The following ALG9 variants were observed in gnomAD, a reference collection of about 807,000 sequenced individuals.
ALG9 encodes ALG9 alpha-1,2-mannosyltransferase, also known as alpha-1,2-mannosyltransferase ALG9.
Under a neutral mutation model 81.8 loss-of-function variants are expected in ALG9, and 55 were observed. That is an observed-to-expected ratio of 0.67 (90% CI 0.54 to 0.84). The LOEUF is 0.84. Ranked by LOEUF, ALG9 falls within the 40% of genes least tolerant of loss-of-function variation. The pLI, the probability that ALG9 is intolerant of heterozygous loss-of-function variation, is 0.00. For synonymous variants in ALG9, 278 were observed against 274.3 expected, an observed-to-expected ratio of 1.01 and a Z score of -0.13; for missense variants, 629 against 745.0, an observed-to-expected ratio of 0.84 and a Z score of 1.81.
At chr11:111,826,775 A>G (rs908791156) in intron 13 of ALG9, among the ~76,000 whole-genome samples, 3 of 152,212 alleles carry the variant, frequency 2.0e-5, no homozygotes, top group African/African-American at 4.8e-5. Flanking sequence ...ATAGTCTCAC[A>G]TGATTCCTTT....
chr11:111,775,700 C>T, the ALG9 span, among the ~76,000 whole-genome samples: 4 of 152,046 alleles, frequency 2.6e-5, no homozygotes, highest in Admixed American at 2.6e-4. Context: ...CATAGTGAGA[C>T]CCCATCTCTA....
intron 14 of ALG9, among the ~76,000 whole-genome samples, chr11:111,807,428 A>G (rs1005358673): frequency 2.0e-5 from 3 of 152,126 alleles, no homozygotes; most frequent in African/African-American, 7.2e-5. Context: ...TTTGAATATC[A>G]TCTTTTCATT....
chr11:111,864,693 A>G (rs1213223667), intron 4 of ALG9, among the ~76,000 whole-genome samples: 1 of 152,198 alleles, frequency 6.6e-6, no homozygotes, highest in Non-Finnish European at 1.5e-5. Context: ...AAAACTCAGT[A>G]TGAAAAAAAA....
At position 111,856,611 on chromosome 11, in the gene ALG9, C is replaced by T. The variant is rs984346296; in HGVS notation, c.701+991G>A. Among the ~76,000 whole-genome samples, 3 of 148,766 alleles carry T rather than the reference C, an allele frequency of 2.0e-5. No individual in the cohort carries two copies. In the East Asian group the frequency reaches 5.8e-4, roughly 29 times the overall value. ...AATTAGGAATTGTTTTTACCTTATACAATCTGGTACTTACTTTTTTTTTTT... is the reference window on the plus strand; with the variant it reads ...AATTAGGAATTGTTTTTACCTTATATAATCTGGTACTTACTTTTTTTTTTT... On this transcript the variant is annotated intron_variant, in intron 6 of 14. Transcript: ENST00000616540.
intron 13 of ALG9, among the ~76,000 whole-genome samples, chr11:111,811,419 T>G (rs1950690648): frequency 6.6e-6 from 1 of 151,934 alleles, no homozygotes; most frequent in Non-Finnish European, 1.5e-5. Flanking sequence ...GGTACAGGCC[T>G]GTAATCCCAG....
rs1591762060 is a variant in ALG9 at position 111,785,711 on chromosome 11, T to C, written c.*686A>G. 1 of 229,838 alleles carries C rather than the reference T, an allele frequency of 4.4e-6. No individual in the cohort carries two copies. Among genetic ancestry groups the C allele is most frequent in the African/African-American group, 2.3e-5 (1 of 43,404 alleles). The allele number at this position is 229,838 out of a possible 1,614,324, so 14.2% of individuals were successfully genotyped here. ...ACAAAAAAGCAATACAACCTTATAG[T>C]TACAGTTGGTTGTAAAGGAAATGAA... On this transcript the variant is annotated 3_prime_UTR_variant, in exon 15 of 15. Transcript: ENST00000616540.
At position 111,786,276 on chromosome 11, in the gene ALG9, T is replaced by C; in HGVS notation, c.*121A>G. Reference sequence around the variant, plus strand: ...CTTTGACTAGCCCAGAGCACCCAGATTCCAGTATTCATGTCAGAAGACCTT... The same window carrying C: ...CTTTGACTAGCCCAGAGCACCCAGACTCCAGTATTCATGTCAGAAGACCTT... On this transcript the variant is annotated 3_prime_UTR_variant, in exon 15 of 15. Coordinates refer to ENST00000616540, the MANE Select transcript of ALG9 (RefSeq NM_024740.2). 2.0e-6 allele frequency: 3 copies of C among 1,477,296 alleles called. No homozygotes were observed. Among genetic ancestry groups the C allele is most frequent in the Non-Finnish European group, 2.8e-6 (3 of 1,059,920 alleles). The allele number at this position is 1,477,296 out of a possible 1,614,324, so 91.5% of individuals were successfully genotyped here.
chr11:111,810,667 G>A (rs1591964525), intron 13 of ALG9, among the ~76,000 whole-genome samples: 1 of 152,210 alleles, frequency 6.6e-6, no homozygotes, highest in Admixed American at 6.5e-5. Context: ...GAGGTGGGAG[G>A]ATCACTTGAG....
intron 14 of ALG9, among the ~76,000 whole-genome samples, chr11:111,806,582 T>C (rs533325101): frequency 4.6e-5 from 7 of 152,092 alleles, no homozygotes; most frequent in Non-Finnish European, 8.8e-5. Context: ...TTCTCCCTAA[T>C]CTCTACACAC....
intron 13 of ALG9, among the ~76,000 whole-genome samples, chr11:111,818,313 A>C (rs1379440308): frequency 6.6e-6 from 1 of 152,198 alleles, no homozygotes; most frequent in Admixed American, 6.5e-5. Context: ...AACATCATAG[A>C]GTGTATTTAC....
rs540178833 is a variant in ALG9, at chr11:111,816,162, A to G, written c.1603-6389T>C. 2.0e-5 allele frequency among the ~76,000 whole-genome samples: 3 copies of G among 152,356 alleles called. No homozygotes were observed. The East Asian group carries it at 5.8e-4, about 29-fold the overall frequency. On this transcript the variant is annotated intron_variant, in intron 13 of 14. Transcript: ENST00000616540. ...TTTGAGTATTGAATTTGTTGAATGTATTTGAAGGGTGATACAATTTGTCCT... is the reference window on the plus strand; with the variant it reads ...TTTGAGTATTGAATTTGTTGAATGTGTTTGAAGGGTGATACAATTTGTCCT...
chr11:111,829,381 G>C (rs1034575467), intron 13 of ALG9, among the ~76,000 whole-genome samples: 11 of 152,216 alleles, frequency 7.2e-5, no homozygotes, highest in Admixed American at 3.3e-4. Flanking sequence ...TAAAACACAA[G>C]CATTTAAGAC....
At chr11:111,833,289 G>T (rs1209077087) in intron 13 of ALG9, among the ~76,000 whole-genome samples, 1 of 152,110 alleles carries the variant, frequency 6.6e-6, no homozygotes, top group Non-Finnish European at 1.5e-5. Flanking sequence ...TCCAAATTTA[G>T]ATCTTGATTC....
chr11:111,814,798 C>CA (rs1951239696), intron 13 of ALG9: 1 of 152,234 alleles, frequency 6.6e-6, no homozygotes, highest in Non-Finnish European at 1.5e-5. Context: ...TGATCCTTTG[C>CA]ATAAACACTT....
chr11:111,864,121 C>T (rs10891295), intron 4 of ALG9: 153,412 of 480,366 alleles, frequency 0.32, 27,272 homozygotes, highest in East Asian at 0.55. Flanking sequence ...ACCTGTACCC[C>T]AAAAACTATT....
chr11:111,816,511 A>C (rs2136507803), intron 13 of ALG9, among the ~76,000 whole-genome samples: 1 of 152,222 alleles, frequency 6.6e-6, no homozygotes, highest in African/African-American at 2.4e-5. Context: ...CAGCTTCCCA[A>C]AGTGCTAGGA....
rs57311061 is a variant in ALG9 at position 111,812,915 on chromosome 11, C to CAAAA, written c.1603-3146_1603-3143dup. 8.4e-3 allele frequency among the ~76,000 whole-genome samples: 826 copies of CAAAA among 98,732 alleles called. 64 individuals are homozygous for CAAAA. Among genetic ancestry groups the CAAAA allele is most frequent in the African/African-American group, 0.041 (774 of 19,080 alleles). 64.8% of individuals were successfully genotyped at this position (98,732 alleles called of 152,430 possible). A position where few individuals can be genotyped will look rare whatever the true frequency, so the allele number is the denominator to read the frequency against. On this transcript the variant is annotated intron_variant, in intron 13 of 14. Coordinates refer to ENST00000616540, the MANE Select transcript of ALG9 (RefSeq NM_024740.2). ...CTGGTGACAGAGCAAGACTCTGTCT[C>CAAAA]AAAAAAAAAAAAAAAAAAGAAATTA...
intron 8 of ALG9, chr11:111,845,439 C>A (rs1427276658): frequency 6.6e-6 from 1 of 152,312 alleles, no homozygotes; most frequent in Non-Finnish European, 1.5e-5. Context: ...GTACATTGGG[C>A]AACATGTGTT....
Position 111,785,127 on chromosome 11 carries a change from A to C in ALG9, c.*1270T>G, listed in dbSNP as rs782408638. ...GAGGAGCAATAGATGAGAGTAAGGA[A>C]ACCTGGGTTCCAGTCCCAGCTCTAT... is the stretch of plus-strand genomic sequence containing the variant. On this transcript the variant is annotated 3_prime_UTR_variant, in exon 15 of 15. Transcript: ENST00000616540. The C allele has an allele frequency of 1.3e-5, 2 of 152,572 alleles. No individual in the cohort carries two copies. Among genetic ancestry groups the C allele is most frequent in the Non-Finnish European group, 2.9e-5 (2 of 68,034 alleles). 9.5% of individuals were successfully genotyped at this position (152,572 alleles called of 1,614,324 possible). A position where few individuals can be genotyped will look rare whatever the true frequency, so the allele number is the denominator to read the frequency against.
Sources: gnomAD v4.1 joint callset for allele counts (sites outside exome capture counted in the v4.1 genomes callset) on GRCh38, gnomAD v4.1.1 for gene constraint, MANE v1.5 for transcripts, NCBI Gene and HGNC (gene_info 2026-07-23, HGNC 2026-07-21) for gene names.